Variants in UNC79 observed in about 807,000 individuals in gnomAD.
UNC79 encodes the protein protein unc-79 homolog.
Under a neutral mutation model 283.1 loss-of-function variants are expected in UNC79, and 37 were observed. The observed-to-expected ratio is 0.13, with a 90% CI of 0.10 to 0.17. The LOEUF is 0.17. Ranked by LOEUF, UNC79 falls within the 10% of genes least tolerant of loss-of-function variation. The pLI, the probability that UNC79 is intolerant of heterozygous loss-of-function variation, is 1.00. For missense variants in UNC79, 2,272 were observed against 3,211.1 expected (o/e 0.71, Z 7.07); for synonymous variants, 1,107 against 1,200.2 (o/e 0.92, Z 1.61).
At chr14:93,410,303 G>T (rs142225548) in intron 1 of UNC79, among the ~76,000 whole-genome samples, 9 of 152,290 alleles carry the variant, frequency 5.9e-5, no homozygotes, top group African/African-American at 2.2e-4. Flanking sequence ...CTATCCCAGC[G>T]GTCTGAACTT....
intron 1 of UNC79, among the ~76,000 whole-genome samples, chr14:93,390,877 TCTC>T (rs2054869438): frequency 1.3e-5 from 2 of 152,216 alleles, no homozygotes; most frequent in Non-Finnish European, 1.5e-5. Context: ...TTTCAAATTA[TCTC>T]CTCAATTTAT....
intron 14 of UNC79, among the ~76,000 whole-genome samples, chr14:93,560,225 T>C (rs2062460279): frequency 6.6e-6 from 1 of 152,078 alleles, no homozygotes; most frequent in Non-Finnish European, 1.5e-5. Flanking sequence ...CCCAAGGGGG[T>C]TCAGCGTAAT....
In UNC79 at chr14:93,689,854, G is replaced by T. The variant is rs148387899; in HGVS notation, c.7086-263G>T. On this transcript the variant is annotated intron_variant, in intron 44 of 48. Transcript: ENST00000555664. ...TTAGAAAGAGAAGCTAGTCAGAGAG[G>T]CAGTCAGCCTTGTGGAAGAATGCTG... The T allele has an allele frequency of 1.6e-3, 651 of 418,360 alleles. 3 individuals are homozygous for T. Among genetic ancestry groups the T allele is most frequent in the African/African-American group, 0.012 (604 of 48,892 alleles). The allele number at this position is 418,360 out of a possible 1,614,324, so 25.9% of individuals were successfully genotyped here.
chr14:93,591,794 C>G (rs1227133844), intron 22 of UNC79, among the ~76,000 whole-genome samples: 1 of 152,160 alleles, frequency 6.6e-6, no homozygotes, highest in Non-Finnish European at 1.5e-5. Context: ...GCACTAAACA[C>G]AATGAAAAAG....
chr14:93,413,638 C>A (rs1293178363), intron 1 of UNC79, among the ~76,000 whole-genome samples: 2 of 100,148 alleles, frequency 2.0e-5, no homozygotes, highest in Non-Finnish European at 4.2e-5. Flanking sequence ...TTTACAGTCC[C>A]ACCAACAGTG....
intron 7 of UNC79, among the ~76,000 whole-genome samples, chr14:93,509,705 G>C (rs942059037): frequency 6.6e-6 from 1 of 152,100 alleles, no homozygotes; most frequent in Non-Finnish European, 1.5e-5. Flanking sequence ...GGGCAGCTCT[G>C]CCCCTGTGGT....
intron 24 of UNC79, among the ~76,000 whole-genome samples, chr14:93,600,058 G>A (rs923617715): frequency 5.9e-5 from 9 of 152,134 alleles, no homozygotes; most frequent in African/African-American, 2.2e-4. Context: ...AAATTAGCCG[G>A]GCGTGGTGGC....
chr14:93,622,213 C>T (rs769147878), exon 30 of UNC79: 98 of 1,614,036 alleles, frequency 6.1e-5, no homozygotes, highest in Admixed American at 1.5e-4. Flanking sequence ...ACGGCCCCTC[C>T]GGTAAAAATG....
chr14:93,418,645 C>T (rs2055518806), intron 1 of UNC79, among the ~76,000 whole-genome samples: 1 of 151,864 alleles, frequency 6.6e-6, no homozygotes, highest in African/African-American at 2.4e-5. Context: ...CAGAGGAAGG[C>T]AGGCCTCCTT....
At chr14:93,440,917 AATAAT>A (rs1414308871) in intron 1 of UNC79, among the ~76,000 whole-genome samples, 71 of 152,266 alleles carry the variant, frequency 4.7e-4, no homozygotes, top group Non-Finnish European at 1.8e-4. Context: ...TTATTGATAC[AATAAT>A]ATGAGTTTGA....
At chr14:93,534,851 C>A (rs146761817) in intron 11 of UNC79, among the ~76,000 whole-genome samples, 33 of 152,300 alleles carry the variant, frequency 2.2e-4, no homozygotes, top group African/African-American at 7.7e-4. Context: ...TAACAAGCTT[C>A]AAATTAGCAC....
Position 93,593,928 on chromosome 14 carries a change from C to T in UNC79, c.3190+91C>T. ...CTTTTTTGGCACCTCCTTTCTTGTCCCTTCTTTTTAAAAGGCATTCTCCTG... is the reference window on the plus strand; with the variant it reads ...CTTTTTTGGCACCTCCTTTCTTGTCTCTTCTTTTTAAAAGGCATTCTCCTG... On this transcript the variant is annotated intron_variant, in intron 23 of 48. Transcript: ENST00000555664. 5 of 1,396,338 alleles carry T rather than the reference C, an allele frequency of 3.6e-6. No homozygotes were observed. In the East Asian group the frequency reaches 7.4e-5, roughly 21 times the overall value. 86.5% of individuals were successfully genotyped at this position (1,396,338 alleles called of 1,614,324 possible).
intron 1 of UNC79, among the ~76,000 whole-genome samples, chr14:93,374,812 G>T (rs61994470): frequency 0.065 from 9,970 of 152,244 alleles, 609 homozygotes; most frequent in East Asian, 0.34. Flanking sequence ...CTTCCAAAGT[G>T]ATGGGATTAC....
chr14:93,519,096 G>C (rs567223559), intron 7 of UNC79, among the ~76,000 whole-genome samples: 1 of 151,930 alleles, frequency 6.6e-6, no homozygotes, highest in Admixed American at 6.6e-5. Context: ...CTGTCTGCTT[G>C]TTTTATCAGT....
chr14:93,690,264 T>C lies in UNC79; in HGVS notation c.7233T>C (p.His2411=), dbSNP rs182301730. The change falls in exon 45 of 49, where the codon CAT becomes CAC. Residue 2411 remains histidine, a synonymous_variant. Coordinates refer to ENST00000555664, the Ensembl canonical transcript of UNC79. This position sits in a 1 kb window ranked among gnomAD's most constrained non-coding sequence, Gnocchi z 4.3. ...ATGCAGGCTCCCACGTTGCAGACCA[T>C]CTTATTGTTATCCTGATTGGATTTC... The C allele has an allele frequency of 9.9e-6, 16 of 1,614,180 alleles. No individual in the cohort carries two copies. In the East Asian group the frequency reaches 2.7e-4, roughly 27 times the overall value.
chr14:93,536,601 G>A (rs2141121916), intron 11 of UNC79, among the ~76,000 whole-genome samples: 1 of 152,046 alleles, frequency 6.6e-6, no homozygotes, highest in African/African-American at 2.4e-5. Context: ...TTATAAACCT[G>A]CTTCATTAAA....
chr14:93,411,099 A>AGGCT (rs565508743), intron 1 of UNC79, among the ~76,000 whole-genome samples: 405 of 152,170 alleles, frequency 2.7e-3, no homozygotes, highest in African/African-American at 9.2e-3. Context: ...GGTGAGTCCC[A>AGGCT]GGCTAGGCAG....
At chr14:93,400,492 A>G (rs1199814723) in intron 1 of UNC79, among the ~76,000 whole-genome samples, 1 of 152,198 alleles carries the variant, frequency 6.6e-6, no homozygotes, top group Non-Finnish European at 1.5e-5. Flanking sequence ...CTGGGAGTTC[A>G]GATGAAGGGG....
chr14:93,490,766 T>C (rs971080399), intron 5 of UNC79, among the ~76,000 whole-genome samples: 28 of 152,210 alleles, frequency 1.8e-4, no homozygotes, highest in African/African-American at 6.3e-4. Context: ...TTTTCAGCAC[T>C]TGCCAGAATT....
Sources: gnomAD v4.1 joint callset for allele counts (sites outside exome capture counted in the v4.1 genomes callset) on GRCh38, gnomAD v4.1.1 for gene constraint, Gnocchi (gnomAD v3.1) non-coding constraint, MANE v1.5 for transcripts, NCBI Gene and HGNC (gene_info 2026-07-23, HGNC 2026-07-21) for gene names.